The following ANO3 variants were observed in gnomAD, a reference collection of about 807,000 sequenced individuals.
ANO3 encodes the protein anoctamin 3, also known as anoctamin-3.
ANO3 carries 99 observed loss-of-function variants against 144.8 expected under a neutral mutation model. That is an observed-to-expected ratio of 0.68 (90% CI 0.58 to 0.81). The LOEUF is 0.81. Among genes scored for constraint, ANO3 ranks in the 30% least tolerant of loss-of-function variants. The pLI is 0.00. For synonymous variants in ANO3, 414 were observed against 392.6 expected (o/e 1.05, Z -0.64); for missense variants, 905 against 1,202.2 (o/e 0.75, Z 3.66).
At chr11:26,356,631 C>T (rs915813558) in intron 1 of ANO3, among the ~76,000 whole-genome samples, 5 of 152,238 alleles carry the variant, frequency 3.3e-5, no homozygotes, top group Admixed American at 2.6e-4. Context: ...TCTTTTGCTA[C>T]TGCAAGAAAC....
intron 1 of ANO3, among the ~76,000 whole-genome samples, chr11:26,374,158 TG>T (rs1856339601): frequency 6.6e-6 from 1 of 152,224 alleles, no homozygotes; most frequent in Non-Finnish European, 1.5e-5. Flanking sequence ...TTAGCATATA[TG>T]GTAGACTGTC....
At chr11:26,557,124 C>G (rs1465333793) in intron 13 of ANO3, among the ~76,000 whole-genome samples, 1 of 152,046 alleles carries the variant, frequency 6.6e-6, no homozygotes, top group African/African-American at 2.4e-5. Flanking sequence ...AGCTTTTAGG[C>G]TAAGTTTGCT....
intron 6 of ANO3, among the ~76,000 whole-genome samples, chr11:26,523,899 T>C (rs7119396): frequency 0.59 from 90,317 of 152,044 alleles, 27,877 homozygotes; most frequent in East Asian, 0.8. Flanking sequence ...CCACTCCTGA[T>C]AATTACAGTT....
intron 1 of ANO3, among the ~76,000 whole-genome samples, chr11:26,190,009 G>T (rs1851444964): frequency 6.6e-6 from 1 of 152,070 alleles, no homozygotes; most frequent in African/African-American, 2.4e-5. Context: ...GCTCTTATAT[G>T]TCAACAGTGA....
intron 4 of ANO3, among the ~76,000 whole-genome samples, chr11:26,500,549 A>G (rs974995149): frequency 1.3e-5 from 2 of 152,078 alleles, no homozygotes; most frequent in African/African-American, 4.8e-5. Flanking sequence ...TAATAACTAT[A>G]ATTATGTTAA....
chr11:26,320,515 T>C (rs1336174561), intron 1 of ANO3, among the ~76,000 whole-genome samples: 5 of 152,188 alleles, frequency 3.3e-5, no homozygotes, highest in Non-Finnish European at 5.9e-5. Flanking sequence ...GTAATCTAGA[T>C]CTTCGTTTAC....
At chr11:26,372,662 C>G (rs922990068) in intron 1 of ANO3, among the ~76,000 whole-genome samples, 1 of 151,960 alleles carries the variant, frequency 6.6e-6, no homozygotes, top group African/African-American at 2.4e-5. Flanking sequence ...GAGCAGTACA[C>G]CAAACATACA....
At chr11:26,600,262 TC>T (rs1851754770) in intron 17 of ANO3, among the ~76,000 whole-genome samples, 1 of 106,290 alleles carries the variant, frequency 9.4e-6, no homozygotes, top group Non-Finnish European at 2.1e-5. Flanking sequence ...TCCTCTCCTC[TC>T]CTCTCCTCTC....
chr11:26,239,123 AT>A (rs201992255), intron 1 of ANO3, among the ~76,000 whole-genome samples: 2,496 of 151,284 alleles, frequency 0.016, 54 homozygotes, highest in East Asian at 0.13. Flanking sequence ...ATTTGAAATT[AT>A]TTACCTAATA....
At chr11:26,485,283 CTGG>C (rs1463860989) in intron 4 of ANO3, among the ~76,000 whole-genome samples, 1 of 152,014 alleles carries the variant, frequency 6.6e-6, no homozygotes, top group Non-Finnish European at 1.5e-5. Context: ...GAGGACAGAC[CTGG>C]TGGAATGGGA....
At chr11:26,615,409 TATA>T (rs990507544) in intron 17 of ANO3, among the ~76,000 whole-genome samples, 20 of 98,200 alleles carry the variant, frequency 2.0e-4, no homozygotes, top group African/African-American at 7.6e-4. Flanking sequence ...TATATATATA[TATA>T]TATTTTTTTT....
chr11:26,379,013 A>T (rs960097129), intron 1 of ANO3, among the ~76,000 whole-genome samples: 1 of 144,466 alleles, frequency 6.9e-6, no homozygotes, highest in Non-Finnish European at 1.5e-5. Context: ...CAACACAGAG[A>T]AGGAAACAGT....
chr11:26,536,909 A>C (rs1345326831), intron 9 of ANO3, among the ~76,000 whole-genome samples: 1 of 152,020 alleles, frequency 6.6e-6, no homozygotes, highest in Non-Finnish European at 1.5e-5. Flanking sequence ...CCTCATTGAG[A>C]GGGAGGAGAT....
chr11:26,642,733 AGACTCC>A (rs1853208115), intron 22 of ANO3, among the ~76,000 whole-genome samples: 1 of 152,138 alleles, frequency 6.6e-6, no homozygotes, highest in Non-Finnish European at 1.5e-5. Flanking sequence ...ACCTTTGCAC[AGACTCC>A]GTCTGAATCT....
rs745606964 is a variant in ANO3, at chr11:26,641,970, A to C, written c.2216A>C (p.Asn739Thr). 3 of 1,613,962 alleles carry C rather than the reference A, an allele frequency of 1.9e-6. No individual in the cohort carries two copies. In the African/African-American group the frequency reaches 4.0e-5, roughly 22 times the overall value. Residue 739 changes from asparagine to threonine, a missense_variant, in exon 22 of 27, where the codon AAT becomes ACT. Physicochemically the swap from Asn to Thr is moderately conservative, Grantham distance 65 (BLOSUM62 0). Around this residue, in one of 4 missense-constraint regions of ANO3, gnomAD observed 597 missense variants for 865.1 expected, o/e 0.69. Coordinates refer to ENST00000256737, the MANE Select transcript of ANO3 (RefSeq NM_031418.4). ...GATGCTTCCATACCTCAGTGGGAAA[A>C]TGATTGGAATCTGCAGCCCATGAAC... is the stretch of plus-strand genomic sequence containing the variant. ...IHDASIPQWE[N>T]DWNLQPMNLH...
chr11:26,302,816 C>A (rs907358559), intron 1 of ANO3, among the ~76,000 whole-genome samples: 2 of 152,024 alleles, frequency 1.3e-5, no homozygotes, highest in African/African-American at 4.8e-5. Flanking sequence ...AAACTATTAG[C>A]ACCAGTAATA....
rs374120345 is a variant in ANO3, at chr11:26,441,958, G to C, written c.87G>C (p.Ser29=). ...ISKSEITKET[S]LKPSRRSLPC... is the part of the protein sequence containing the mutation. ...AGAGTGAGATAACAAAAGAAACTTC[G>C]TTAAAACCGTCTCGGAGATCCCTGC... Residue 29 remains serine (S), a synonymous_variant, in exon 2 of 27, where the codon TCG becomes TCC. Coordinates refer to ENST00000256737, the MANE Select transcript of ANO3 (RefSeq NM_031418.4). 6.0e-5 allele frequency: 97 copies of C among 1,613,716 alleles called. 1 individual carries two copies. The East Asian group carries it at 6.2e-4, about 10-fold the overall frequency.
chr11:26,498,830 A>C (rs531730789), intron 4 of ANO3, among the ~76,000 whole-genome samples: 27 of 151,996 alleles, frequency 1.8e-4, no homozygotes, highest in African/African-American at 6.5e-4. Context: ...ATATAGTAAA[A>C]GTATAAATAA....
intron 1 of ANO3, among the ~76,000 whole-genome samples, chr11:26,199,841 T>A (rs1473527124): frequency 1.3e-5 from 2 of 152,200 alleles, no homozygotes; most frequent in Non-Finnish European, 2.9e-5. Context: ...TTCATTTTGT[T>A]TTGTTTTAAG....
Sources: allele counts gnomAD v4.1 joint callset (sites outside exome capture counted in the v4.1 genomes callset), GRCh38; gene constraint gnomAD v4.1.1; regional missense constraint gnomAD v4.1.1; transcripts MANE v1.5; gene names NCBI Gene and HGNC (gene_info 2026-07-23, HGNC 2026-07-21).